The following MPDZ variants were observed in gnomAD, a reference collection of about 807,000 sequenced individuals.
The protein encoded by MPDZ is multiple PDZ domain protein.
In MPDZ, 234 loss-of-function variants were observed where a neutral mutation model predicts 239.1. The observed-to-expected ratio is 0.98, with a 90% CI of 0.88 to 1.09. The LOEUF (loss-of-function observed/expected upper bound fraction) is 1.09. MPDZ is among the 50% of genes least tolerant of loss of function. MPDZ has a pLI of 0.00. For missense variants in MPDZ, 3,175 were observed against 2,510.0 expected, an observed-to-expected ratio of 1.26 and a Z score of -5.66; for synonymous variants, 1,048 against 881.3, an observed-to-expected ratio of 1.19 and a Z score of -3.35.
rs1399053995 is a variant in MPDZ at position 13,186,300 on chromosome 9, G to C, written c.2451C>G (p.Asp817Glu). ...PHSCEEAGLA[D>E]KPLFRADLAL... ...CCAAGTCAGCCCTGAAGAGGGGTTT[G>C]TCAGCCAGCCCTGCTTCCTCACAGG... is the stretch of plus-strand genomic sequence containing the variant. Residue 817 changes from aspartate (D) to glutamate (E), a missense_variant, in exon 18 of 47, where the codon GAC (aspartate) becomes GAG (glutamate). Physicochemically the swap from Asp to Glu is conservative, Grantham distance 45 (BLOSUM62 2). Transcript: ENST00000319217. The C allele has an allele frequency of 3.1e-6, 5 of 1,593,418 alleles. No homozygotes were observed. Among genetic ancestry groups the C allele is most frequent in the African/African-American group, 1.3e-5 (1 of 74,486 alleles).
chr9:13,165,608 T>G (rs1950986234), intron 22 of MPDZ: 2 of 459,176 alleles, frequency 4.4e-6, no homozygotes, highest in Admixed American at 8.2e-5. Flanking sequence ...ATAGCAGTGA[T>G]TATTAACAAG....
intron 24 of MPDZ, among the ~76,000 whole-genome samples, chr9:13,157,553 G>T (rs1489748746): frequency 6.6e-6 from 1 of 152,032 alleles, no homozygotes; most frequent in East Asian, 1.9e-4. Flanking sequence ...TATTATACAT[G>T]AAACTGGTGC....
intron 25 of MPDZ, among the ~76,000 whole-genome samples, chr9:13,150,305 T>C (rs1399994063): frequency 6.6e-6 from 1 of 151,888 alleles, no homozygotes; most frequent in African/African-American, 2.4e-5. Flanking sequence ...AAGAAAGAAA[T>C]AATTTATCCA....
At chr9:13,192,058 GC>G in intron 15 of MPDZ, 72 bp downstream of exon 15, 1 of 1,279,710 alleles carries the variant, frequency 7.8e-7, no homozygotes, top group Non-Finnish European at 1.0e-6. Flanking sequence ...ATTGAAAAAT[GC>G]TTAAAAAATT....
intron 45 of MPDZ, among the ~76,000 whole-genome samples, chr9:13,109,643 A>G (rs1942082795): frequency 6.6e-6 from 1 of 152,200 alleles, no homozygotes; most frequent in Non-Finnish European, 1.5e-5. Flanking sequence ...GACTTGCTCC[A>G]TATTACATGA....
chr9:13,245,710 T>G (rs1380401691), intron 3 of MPDZ, among the ~76,000 whole-genome samples: 5 of 152,208 alleles, frequency 3.3e-5, no homozygotes, highest in Non-Finnish European at 7.3e-5. Context: ...AATAAGATAA[T>G]GCTGTAGTTG....
chr9:13,132,261 A>C (rs1185624809), intron 32 of MPDZ, among the ~76,000 whole-genome samples: 1 of 152,142 alleles, frequency 6.6e-6, no homozygotes, highest in Non-Finnish European at 1.5e-5. Flanking sequence ...ATCCAATCCC[A>C]ACAATAACCC....
intron 16 of MPDZ, 131 bp from the exon 17 acceptor site, chr9:13,189,124 C>A: frequency 1.3e-6 from 1 of 740,962 alleles, no homozygotes; most frequent in Non-Finnish European, 2.1e-6. Context: ...CAAAAAAAAT[C>A]CATACAAAAT....
intron 39 of MPDZ, among the ~76,000 whole-genome samples, chr9:13,115,550 A>C (rs1011346995): frequency 6.6e-6 from 1 of 152,172 alleles, no homozygotes; most frequent in Admixed American, 6.5e-5. Context: ...CCAAGTGTTT[A>C]CCTTATCACC....
At chr9:13,221,045 T>A (rs186107953) in intron 7 of MPDZ, among the ~76,000 whole-genome samples, 15 of 152,088 alleles carry the variant, frequency 9.9e-5, no homozygotes, top group South Asian at 8.3e-4. Context: ...AACAGCTGAC[T>A]AGGTATATAA....
intron 24 of MPDZ, among the ~76,000 whole-genome samples, chr9:13,155,700 T>C (rs1231183262): frequency 6.6e-6 from 1 of 152,192 alleles, no homozygotes; most frequent in Admixed American, 6.5e-5. Context: ...AGTACATTTT[T>C]GTTGATTTCA....
intron 9 of MPDZ, 84 bp downstream of exon 9, chr9:13,217,096 T>C: frequency 1.0e-6 from 1 of 1,004,386 alleles, no homozygotes; most frequent in South Asian, 1.5e-5. Flanking sequence ...ACCTGAAACA[T>C]GTAATATCAA....
At chr9:13,262,184 C>T (rs1255858006) in intron 1 of MPDZ, among the ~76,000 whole-genome samples, 1 of 151,824 alleles carries the variant, frequency 6.6e-6, no homozygotes, top group Non-Finnish European at 1.5e-5. Flanking sequence ...GCATTCAGGC[C>T]AGCCACAGTG....
intron 43 of MPDZ, 49 bp from the exon 44 acceptor site, chr9:13,110,789 G>C: frequency 7.2e-7 from 1 of 1,390,260 alleles, no homozygotes; most frequent in Non-Finnish European, 1.0e-6. Context: ...GCCATGGAGA[G>C]TGGGTCTTTG....
At chr9:13,179,385 G>C (rs755837903) in intron 19 of MPDZ, among the ~76,000 whole-genome samples, 2 of 152,078 alleles carry the variant, frequency 1.3e-5, no homozygotes, top group Non-Finnish European at 2.9e-5. Context: ...CTTTTCATTA[G>C]CAAAAGAGGT....
At chr9:13,168,345 T>G (rs1203533698) in intron 22 of MPDZ, 21 bp downstream of exon 22, 1 of 1,601,308 alleles carries the variant, frequency 6.2e-7, no homozygotes, top group Admixed American at 1.7e-5. Flanking sequence ...CAAGTTAAAC[T>G]GGGCTTCAAA....
At chr9:13,196,917 C>A (rs554499762) in intron 12 of MPDZ, among the ~76,000 whole-genome samples, 1 of 151,908 alleles carries the variant, frequency 6.6e-6, no homozygotes, top group South Asian at 2.1e-4. Flanking sequence ...AGTTCTTACT[C>A]GTAAGATTTG....
intron 1 of MPDZ, among the ~76,000 whole-genome samples, chr9:13,258,738 G>C (rs1969998483): frequency 6.6e-6 from 1 of 151,830 alleles, no homozygotes; most frequent in Non-Finnish European, 1.5e-5. Context: ...TATAGGCTTT[G>C]ATCAAAAAAG....
chr9:13,234,801 C>T (rs1028227563), intron 3 of MPDZ, among the ~76,000 whole-genome samples: 6 of 114,352 alleles, frequency 5.2e-5, no homozygotes, highest in Admixed American at 1.0e-4. Context: ...ACAGACGCAC[C>T]TCTTAGAAAT....
Sources: gnomAD v4.1 joint callset for allele counts (sites outside exome capture counted in the v4.1 genomes callset) on GRCh38, gnomAD v4.1.1 for gene constraint, MANE v1.5 for transcripts, NCBI Gene and HGNC (gene_info 2026-07-23, HGNC 2026-07-21) for gene names.